KRT8: variants seen among roughly 807,000 people sequenced by gnomAD.
KRT8 encodes the protein keratin 8.
KRT8 carries 24 observed loss-of-function variants against 43.0 expected under a neutral mutation model. The observed-to-expected ratio is 0.56, with a 90% CI of 0.40 to 0.78. The LOEUF is 0.78. Among genes scored for constraint, KRT8 ranks in the 30% least tolerant of loss-of-function variants. The probability of loss-of-function intolerance (pLI) is 0.00; values close to 1 mark genes in which losing one functional copy is unlikely to be tolerated. For synonymous variants in KRT8, 214 were observed against 261.2 expected, an observed-to-expected ratio of 0.82 and a Z score of 1.74; for missense variants, 492 against 638.4, an observed-to-expected ratio of 0.77 and a Z score of 2.47.
Position 52,949,037 on chromosome 12 carries a change from T to TGGCTCCGGCTTCCGAAGC in KRT8, c.-47+401_-47+418dup, listed in dbSNP as rs1942405615. The TGGCTCCGGCTTCCGAAGC allele has an allele frequency of 4.9e-6, 4 of 812,912 alleles. No individual in the cohort carries two copies. In the East Asian group the frequency reaches 7.8e-5, roughly 16 times the overall value. The allele number at this position is 812,912 out of a possible 1,614,324, so 50.4% of individuals were successfully genotyped here. A position where few individuals can be genotyped will look rare whatever the true frequency, so the allele number is the denominator to read the frequency against. ...GCGCGGGCTCCGAGCCGTCCACCTG[T>TGGCTCCGGCTTCCGAAGC]GGCTCCGGCTTCCGAAGCGGCTCCG... On this transcript the variant is annotated intron_variant, in intron 2 of 6. Transcript: ENST00000546826.
intron 2 of KRT8, among the ~76,000 whole-genome samples, chr12:52,928,313 C>T (rs1465242699): frequency 2.0e-5 from 3 of 152,166 alleles, no homozygotes; most frequent in African/African-American, 4.8e-5. Context: ...CTGCTAGTCA[C>T]AAGAATCTTG....
intron 2 of KRT8, chr12:52,948,494 CTTTTTTTTTT>C (rs375720808): frequency 2.6e-4 from 29 of 111,004 alleles, no homozygotes; most frequent in African/African-American, 6.0e-4. Flanking sequence ...TTTCTTTTTT[CTTTTTTTTTT>C]TTTTTTTTTT....
At chr12:52,909,939 T>C (rs61247988), upstream of KRT8, among the ~76,000 whole-genome samples, 1,301 of 152,064 alleles carry the variant, frequency 8.6e-3, 14 homozygotes, top group African/African-American at 0.03. Flanking sequence ...TCTCCCACAC[T>C]TTTTTTTCTT....
At chr12:52,908,459 G>C (rs184719011), upstream of KRT8, among the ~76,000 whole-genome samples, 1 of 152,174 alleles carries the variant, frequency 6.6e-6, no homozygotes, top group African/African-American at 2.4e-5. Flanking sequence ...ATATCCATAC[G>C]ATCTAATGTT....
chr12:52,908,227 T>G (rs192628772), upstream of KRT8, among the ~76,000 whole-genome samples: 219 of 151,080 alleles, frequency 1.4e-3, no homozygotes, highest in African/African-American at 5.2e-3. Flanking sequence ...CTGAACAAGT[T>G]TTTTTTTTTC....
At chr12:52,899,619 A>C (rs1156669474) in intron 5 of KRT8, among the ~76,000 whole-genome samples, 156 bp downstream of exon 5, 1 of 152,070 alleles carries the variant, frequency 6.6e-6, no homozygotes, top group African/African-American at 2.4e-5. Context: ...GCTTCTCAGA[A>C]GCAGACTGAG....
chr12:52,918,036 G>GAGGAGA (rs144763228), intron 2 of KRT8, among the ~76,000 whole-genome samples: 74 of 113,172 alleles, frequency 6.5e-4, no homozygotes, highest in Middle Eastern at 4.3e-3. Flanking sequence ...AGAGGAGGAG[G>GAGGAGA]AGAAGAAGAA....
chr12:52,926,332 G>GGCCAACCCCCCCCCCC, intron 2 of KRT8: 1 of 600,278 alleles, frequency 1.7e-6, no homozygotes. Context: ...GGCACTAGCT[G>GGCCAACCCCCCCCCCC]CCCTCCCCAC....
At chr12:52,929,926 A>G (rs1274213086) in intron 2 of KRT8, among the ~76,000 whole-genome samples, 1 of 152,086 alleles carries the variant, frequency 6.6e-6, no homozygotes. Flanking sequence ...TCAAACTCAC[A>G]GCTTCCAAAC....
chr12:52,947,232 C>A (rs1368408685), intron 2 of KRT8: 1 of 152,320 alleles, frequency 6.6e-6, no homozygotes, highest in Non-Finnish European at 1.5e-5. Context: ...GAAAGCCTCC[C>A]TACCTCCATC....
intron 4 of KRT8, 34 bp from the exon 5 acceptor site, chr12:52,900,099 T>C (rs770366992): frequency 1.2e-6 from 2 of 1,609,074 alleles, no homozygotes; most frequent in South Asian, 1.1e-5. Context: ...TGAGGCCCTG[T>C]CTCTGCACAC....
chr12:52,900,995 T>C (rs746238472), intron 3 of KRT8, 164 bp downstream of exon 3: 3 of 731,332 alleles, frequency 4.1e-6, no homozygotes, highest in East Asian at 2.5e-5. Flanking sequence ...CAAATGCACC[T>C]ACCACTCCAT....
upstream of KRT8, chr12:52,906,590 C>A: frequency 2.4e-6 from 1 of 421,904 alleles, no homozygotes; most frequent in South Asian, 1.7e-5. Context: ...GCAGGGCATG[C>A]TGTGGGTGGA....
intron 5 of KRT8, 35 bp from the exon 6 acceptor site, chr12:52,898,934 G>C (rs1204264757): frequency 6.3e-7 from 1 of 1,595,182 alleles, no homozygotes; most frequent in Non-Finnish European, 8.6e-7. Context: ...AGGTCAGGTT[G>C]GGTATGCCTT....
chr12:52,933,031 C>T (rs1942110103), intron 2 of KRT8, among the ~76,000 whole-genome samples: 1 of 152,194 alleles, frequency 6.6e-6, no homozygotes, highest in Non-Finnish European at 1.5e-5. Flanking sequence ...GCAACCTCTG[C>T]CTCCCAGGTT....
chr12:52,927,636 C>T (rs1369563591), intron 2 of KRT8, among the ~76,000 whole-genome samples: 1 of 152,182 alleles, frequency 6.6e-6, no homozygotes, highest in Non-Finnish European at 1.5e-5. Flanking sequence ...TGACTGAGCA[C>T]CCCCTTGTGG....
chr12:52,914,951 T>C (rs368348662), intron 2 of KRT8, among the ~76,000 whole-genome samples: 53 of 152,322 alleles, frequency 3.5e-4, no homozygotes, highest in African/African-American at 1.2e-3. Context: ...ATAGGTCACA[T>C]GCTCATCTCT....
At chr12:52,931,493 T>A (rs1942082926) in intron 2 of KRT8, among the ~76,000 whole-genome samples, 1 of 152,144 alleles carries the variant, frequency 6.6e-6, no homozygotes, top group Non-Finnish European at 1.5e-5. Flanking sequence ...ATTGGGCACC[T>A]GCATTCATGA....
intron 2 of KRT8, chr12:52,949,096 T>C (rs1592192338): frequency 7.5e-7 from 1 of 1,325,992 alleles, no homozygotes; most frequent in East Asian, 2.5e-5. Flanking sequence ...GCGATATAAC[T>C]CGGGTCGCGC....
Sources: allele counts gnomAD v4.1 joint callset (sites outside exome capture counted in the v4.1 genomes callset), GRCh38; gene constraint gnomAD v4.1.1; transcripts MANE v1.5; gene names NCBI Gene and HGNC (gene_info 2026-07-23, HGNC 2026-07-21).